Variants in CTNNA1 observed in about 807,000 individuals in gnomAD.
CTNNA1 encodes the protein catenin alpha-1.
A neutral mutation model predicts 98.4 loss-of-function variants in CTNNA1; 37 were observed. That is an observed-to-expected ratio of 0.38 (90% CI 0.29 to 0.49). The LOEUF is 0.49. Among genes scored for constraint, CTNNA1 ranks in the 20% least tolerant of loss-of-function variants. The pLI is 0.95. For synonymous variants in CTNNA1, 404 were observed against 413.2 expected (o/e 0.98, Z 0.27); for missense variants, 761 against 1,147.2 (o/e 0.66, Z 4.86).
intron 1 of CTNNA1, chr5:138,754,614 A>T (rs1751419770): frequency 6.6e-6 from 1 of 152,180 alleles, no homozygotes; most frequent in African/African-American, 2.4e-5. Flanking sequence ...GTGATTTTTA[A>T]ATACTGGACA....
At chr5:138,828,438 T>G (rs905195520) in intron 7 of CTNNA1, among the ~76,000 whole-genome samples, 5 of 152,198 alleles carry the variant, frequency 3.3e-5, no homozygotes, top group Non-Finnish European at 7.3e-5. Context: ...ATGTCTTTCT[T>G]TTTTTCCTTC....
chr5:138,920,123 T>A (rs1055366373), intron 11 of CTNNA1, among the ~76,000 whole-genome samples: 2 of 151,864 alleles, frequency 1.3e-5, no homozygotes, highest in Admixed American at 6.6e-5. Flanking sequence ...GGATTACAGG[T>A]GCTTGCCACC....
At chr5:138,932,126 C>T (rs1262863182) in intron 16 of CTNNA1, 3 of 988,416 alleles carry the variant, frequency 3.0e-6, no homozygotes, top group South Asian at 4.7e-5. Flanking sequence ...CAAAGTGCCT[C>T]AGAGCAGAAG....
chr5:138,760,239 C>T (rs1400512888), intron 1 of CTNNA1, among the ~76,000 whole-genome samples: 1 of 151,820 alleles, frequency 6.6e-6, no homozygotes, highest in Admixed American at 6.6e-5. Context: ...GGTGATCCAC[C>T]CGCCTCGGCC....
At chr5:138,904,284 G>T (rs1758687019) in intron 9 of CTNNA1, 65 bp from the exon 10 acceptor site, 5 of 1,541,536 alleles carry the variant, frequency 3.2e-6, no homozygotes, top group African/African-American at 1.4e-5. Context: ...GTAGGGCCAG[G>T]TGTGTGTTTT....
At chr5:138,896,425 G>A (rs377312082) in intron 9 of CTNNA1, among the ~76,000 whole-genome samples, 3 of 152,144 alleles carry the variant, frequency 2.0e-5, no homozygotes, top group South Asian at 2.1e-4. Context: ...CAGAATATTC[G>A]CCATGAGATC....
intron 5 of CTNNA1, among the ~76,000 whole-genome samples, chr5:138,821,178 A>G (rs1293636430): frequency 6.6e-6 from 1 of 152,246 alleles, no homozygotes; most frequent in African/African-American, 2.4e-5. Context: ...AATCTCCATT[A>G]GCTGCATGTT....
chr5:138,928,136 G>A (rs903414516), intron 13 of CTNNA1, among the ~76,000 whole-genome samples: 2 of 152,166 alleles, frequency 1.3e-5, no homozygotes, highest in African/African-American at 2.4e-5. Flanking sequence ...GTACACAGAC[G>A]AGAGACTCGC....
At chr5:138,773,710 T>C (rs1753791448) in intron 1 of CTNNA1, among the ~76,000 whole-genome samples, 1 of 151,830 alleles carries the variant, frequency 6.6e-6, no homozygotes, top group Non-Finnish European at 1.5e-5. Context: ...GTCTGGTGAA[T>C]TAATTTTTTT....
intron 7 of CTNNA1, among the ~76,000 whole-genome samples, chr5:138,865,833 A>G (rs1385222411): frequency 5.3e-5 from 8 of 152,154 alleles, no homozygotes; most frequent in Admixed American, 5.2e-4. Context: ...GTTTTATTCT[A>G]AGTTTCCTTG....
In CTNNA1 at chr5:138,873,938, C is replaced by A; in HGVS notation, c.1063-12274C>A. On this transcript the variant is annotated intron_variant, in intron 7 of 17. Coordinates refer to ENST00000302763, the MANE Select transcript of CTNNA1 (RefSeq NM_001903.5). This position sits in a 1 kb window ranked among gnomAD's most constrained non-coding sequence, Gnocchi z 6.1. ...CTGGTTGTGCTCTAGGTGAAGCTCTCTCAGTTTAATTAATCCTGCAAATCC... is the reference window on the plus strand; with the variant it reads ...CTGGTTGTGCTCTAGGTGAAGCTCTATCAGTTTAATTAATCCTGCAAATCC... The A allele has an allele frequency of 6.2e-7, 1 of 1,614,010 alleles. No individual in the cohort carries two copies. The highest frequency in any genetic ancestry group is 8.5e-7 in the Non-Finnish European group (1 of 1,179,896).
At position 138,812,166 on chromosome 5, in the gene CTNNA1, T is replaced by C; in HGVS notation, c.469-17T>C. ...CATTCAGAATTTTTGGGTTTTGGGG[T>C]CTTTCTTATTTTATAGGTGGAAGAT... is the stretch of plus-strand genomic sequence containing the variant. On this transcript the variant is annotated splice_polypyrimidine_tract_variant and intron_variant, in intron 4 of 17. Transcript: ENST00000302763. The C allele has an allele frequency of 6.2e-7, 1 of 1,607,132 alleles. No homozygotes were observed. Among genetic ancestry groups the C allele is most frequent in the Non-Finnish European group, 8.5e-7 (1 of 1,177,902 alleles).
chr5:138,896,179 C>T (rs1756760907), intron 9 of CTNNA1, among the ~76,000 whole-genome samples: 1 of 152,200 alleles, frequency 6.6e-6, no homozygotes, highest in Non-Finnish European at 1.5e-5. Context: ...TCTAGTCCCC[C>T]TGTGTGTACA....
intron 1 of CTNNA1, among the ~76,000 whole-genome samples, chr5:138,781,411 C>T (rs534025954): frequency 1.8e-4 from 28 of 152,250 alleles, no homozygotes; most frequent in Middle Eastern, 6.8e-3. Flanking sequence ...AAAAAATTAG[C>T]CGGGCGTGGT....
In CTNNA1 at chr5:138,756,021, G is replaced by A. The variant is rs572298183; in HGVS notation, c.-3+2511G>A. 8.5e-5 allele frequency among the ~76,000 whole-genome samples: 10 copies of A among 117,842 alleles called. No individual in the cohort carries two copies. The East Asian group carries it at 2.4e-3, about 28-fold the overall frequency. The allele number at this position is 117,842 out of a possible 152,430, so 77.3% of individuals were successfully genotyped here. On this transcript the variant is annotated intron_variant, in intron 1 of 17. Transcript: ENST00000302763. ...GGGATTACTAAGTGCAAGCTACCACGCCCGGCTTATTTATTTATTTATTTA... is the reference window on the plus strand; with the variant it reads ...GGGATTACTAAGTGCAAGCTACCACACCCGGCTTATTTATTTATTTATTTA...
At chr5:138,898,053 G>A (rs545326277) in intron 9 of CTNNA1, among the ~76,000 whole-genome samples, 1 of 152,224 alleles carries the variant, frequency 6.6e-6, no homozygotes, top group Admixed American at 6.5e-5. Context: ...CTGGTGGGAG[G>A]TGTTGGATCA....
intron 7 of CTNNA1, among the ~76,000 whole-genome samples, chr5:138,849,002 G>T (rs780349577): frequency 6.6e-6 from 1 of 152,100 alleles, no homozygotes. Flanking sequence ...GATTACAGGC[G>T]TGAGCCACCT....
intron 3 of CTNNA1, among the ~76,000 whole-genome samples, chr5:138,791,282 T>C (rs767362551): frequency 7.2e-5 from 11 of 152,162 alleles, no homozygotes; most frequent in Non-Finnish European, 1.2e-4. Context: ...CAGTCAGTGT[T>C]GTTAAGTACT....
chr5:138,851,604 C>G (rs970762184), intron 7 of CTNNA1, among the ~76,000 whole-genome samples: 9 of 146,856 alleles, frequency 6.1e-5, no homozygotes, highest in East Asian at 2.0e-4. Context: ...AAAAAAAATG[C>G]AAAAATTAGC....
Sources: gnomAD v4.1 joint callset for allele counts (sites outside exome capture counted in the v4.1 genomes callset) on GRCh38, gnomAD v4.1.1 for gene constraint, Gnocchi (gnomAD v3.1) non-coding constraint, MANE v1.5 for transcripts, NCBI Gene and HGNC (gene_info 2026-07-23, HGNC 2026-07-21) for gene names.